The following WDR35 variants were observed in gnomAD, a reference collection of about 807,000 sequenced individuals.
The protein encoded by WDR35 is WD repeat-containing protein 35.
In WDR35, 118 loss-of-function variants were observed where a neutral mutation model predicts 158.3. That is an observed-to-expected ratio of 0.75 (90% CI 0.64 to 0.87). WDR35 has a LOEUF of 0.87. Ranked by LOEUF, WDR35 falls within the 40% of genes least tolerant of loss-of-function variation. The probability of loss-of-function intolerance (pLI) is 0.00; values close to 1 mark genes in which losing one functional copy is unlikely to be tolerated. For missense variants in WDR35, 1,263 were observed against 1,405.8 expected (o/e 0.90, Z 1.62); for synonymous variants, 448 against 476.1 (o/e 0.94, Z 0.77).
At chr2:19,938,229 C>A (rs752776689) in intron 18 of WDR35, 36 bp downstream of exon 18, 1 of 1,613,686 alleles carries the variant, frequency 6.2e-7, no homozygotes, top group African/African-American at 1.3e-5. Flanking sequence ...AAAACCTACA[C>A]CTGACATCCT....
intron 23 of WDR35, 139 bp downstream of exon 23, chr2:19,932,144 T>C: frequency 4.8e-6 from 5 of 1,049,116 alleles, no homozygotes; most frequent in Non-Finnish European, 7.0e-6. Flanking sequence ...ACTAAAATAA[T>C]GTATACAGAA....
chr2:19,987,640 G>A (rs546223328), intron 2 of WDR35, among the ~76,000 whole-genome samples: 76 of 151,826 alleles, frequency 5.0e-4, no homozygotes, highest in South Asian at 4.0e-3. Flanking sequence ...TGGCTAACAC[G>A]GTGAAACCCT....
Position 19,974,588 on chromosome 2 carries a change from T to C in WDR35, c.616A>G (p.Ser206Gly). The change falls in exon 7 of 27, where the codon AGC (serine) becomes GGC (glycine). Residue 206 changes from serine to glycine, a missense_variant. Ser to Gly is a moderately conservative substitution (Grantham distance 56, BLOSUM62 0). Transcript: ENST00000281405. The part of the protein sequence containing the change: ...SCLVNVTGAI[S>G]IAGIHWYHGT... ...TGGTACCAATGAATTCCAGCAATGC[T>C]GATAGCTCCAGTGACATTCACCAAA... 6.2e-7 allele frequency: 1 copy of C among 1,613,790 alleles called. No homozygotes were observed. The highest frequency in any genetic ancestry group is 1.1e-5 in the South Asian group (1 of 90,960).
intron 2 of WDR35, among the ~76,000 whole-genome samples, chr2:19,987,911 T>C (rs547549382): frequency 1.3e-5 from 2 of 151,010 alleles, no homozygotes; most frequent in South Asian, 4.2e-4. Context: ...TACACACGTA[T>C]ATATATATCT....
chr2:19,966,957 A>T, intron 9 of WDR35, 48 bp from the exon 10 acceptor site: 3 of 1,580,106 alleles, frequency 1.9e-6, no homozygotes, highest in Middle Eastern at 1.7e-4. Context: ...AAGGGAGAAG[A>T]ATTATTTAGT....
intron 13 of WDR35, among the ~76,000 whole-genome samples, chr2:19,949,234 G>C (rs1671156730): frequency 6.6e-6 from 1 of 152,338 alleles, no homozygotes; most frequent in African/African-American, 2.4e-5. Flanking sequence ...GAAATTTCAA[G>C]TTGTTTGCCA....
At chr2:19,938,540 C>T in intron 17 of WDR35, 139 bp from the exon 18 acceptor site, 1 of 1,169,802 alleles carries the variant, frequency 8.5e-7, no homozygotes, top group Non-Finnish European at 1.2e-6. Flanking sequence ...GAAGAGAAAT[C>T]TTCACGTTTG....
At chr2:19,954,329 T>C (rs909842882) in intron 11 of WDR35, among the ~76,000 whole-genome samples, 1 of 152,090 alleles carries the variant, frequency 6.6e-6, no homozygotes, top group Non-Finnish European at 1.5e-5. Context: ...TAAATTAGAC[T>C]TCATTAAAAT....
intron 10 of WDR35, chr2:19,962,380 C>A: frequency 6.3e-7 from 1 of 1,580,976 alleles, no homozygotes; most frequent in South Asian, 1.1e-5. Flanking sequence ...TCAGTTAACT[C>A]AAAAAAGACA....
chr2:19,956,722 G>A (rs561724100), intron 11 of WDR35, among the ~76,000 whole-genome samples: 56 of 148,778 alleles, frequency 3.8e-4, no homozygotes, highest in Middle Eastern at 6.9e-3. Context: ...CCGGGTTCAC[G>A]CCATTCTCCT....
chr2:19,931,502 A>G, intron 23 of WDR35, 93 bp from the exon 24 acceptor site: 3 of 1,398,186 alleles, frequency 2.1e-6, no homozygotes, highest in Non-Finnish European at 3.0e-6. Flanking sequence ...GATTCCCTAA[A>G]AAAGGAGGAA....
At chr2:19,943,724 A>C (rs1328025349) in intron 16 of WDR35, among the ~76,000 whole-genome samples, 1 of 152,062 alleles carries the variant, frequency 6.6e-6, no homozygotes, top group Non-Finnish European at 1.5e-5. Context: ...AAAAAGAACA[A>C]AACAGCGCAA....
chr2:19,935,248 C>T (rs953593640), intron 21 of WDR35: 1 of 390,364 alleles, frequency 2.6e-6, no homozygotes, highest in Admixed American at 4.2e-5. Flanking sequence ...AGACTGTGAT[C>T]ATATTAAAGT....
Position 19,936,311 on chromosome 2 carries a change from C to A in WDR35, c.2322G>T (p.Gln774His), listed in dbSNP as rs1670694845. The change falls in exon 20 of 27, where the codon CAG becomes CAT. Residue 774 changes from glutamine (Q) to histidine (H), a missense_variant. Coordinates refer to ENST00000281405, the MANE Select transcript of WDR35 (RefSeq NM_020779.4). Reference protein sequence around the residue: ...LKLGDWFRVLQLLKTGSGDAD... With the variant: ...LKLGDWFRVLHLLKTGSGDAD... Reference sequence around the variant, plus strand: ...CATCACCAGATCCAGTTTTCAGGAGCTGGAGTACTCTAAACCAATCCCCCA... The same window carrying A: ...CATCACCAGATCCAGTTTTCAGGAGATGGAGTACTCTAAACCAATCCCCCA... 4 of 1,614,036 alleles carry A rather than the reference C, an allele frequency of 2.5e-6. No individual in the cohort carries two copies. The South Asian group carries it at 4.4e-5, about 18-fold the overall frequency.
At chr2:19,953,722 A>G (rs997234233) in intron 12 of WDR35, 112 bp downstream of exon 12, 1 of 1,374,596 alleles carries the variant, frequency 7.3e-7, no homozygotes, top group Non-Finnish European at 1.0e-6. Context: ...TTGAAAAAAC[A>G]TTTCTACTAA....
At position 19,910,427 on chromosome 2, in the gene WDR35, G is replaced by A. The variant is rs959346587; in HGVS notation, c.*3131C>T. ...GAATTAAGCATGTCAACATTACTGT[G>A]TTGCTTGTTAGGCACACTGCTTATT... is the stretch of plus-strand genomic sequence containing the variant. On this transcript the variant is annotated 3_prime_UTR_variant, in exon 27 of 27. Coordinates refer to ENST00000281405, the MANE Select transcript of WDR35 (RefSeq NM_020779.4). 3 of 152,106 alleles carry A rather than the reference G, an allele frequency of 2.0e-5. No individual in the cohort carries two copies. The highest frequency in any genetic ancestry group is 4.4e-5 in the Non-Finnish European group (3 of 68,034). 9.4% of individuals were successfully genotyped at this position (152,106 alleles called of 1,614,324 possible).
chr2:19,919,312 C>T (rs1410729094), intron 25 of WDR35, among the ~76,000 whole-genome samples: 2 of 137,884 alleles, frequency 1.5e-5, no homozygotes, highest in African/African-American at 5.5e-5. Context: ...ACCCAGGAGG[C>T]GGAGCTTGCA....
chr2:19,954,471 A>G (rs145351122), intron 11 of WDR35, among the ~76,000 whole-genome samples: 5 of 152,378 alleles, frequency 3.3e-5, no homozygotes, highest in Admixed American at 3.3e-4. Flanking sequence ...TTACAACTCA[A>G]TAATAAAGAC....
chr2:19,919,132 G>A (rs1362441764), intron 25 of WDR35, among the ~76,000 whole-genome samples: 1 of 152,152 alleles, frequency 6.6e-6, no homozygotes. Context: ...TGTAATTCCA[G>A]CACTTTCGGA....
Sources: allele counts gnomAD v4.1 joint callset (sites outside exome capture counted in the v4.1 genomes callset), GRCh38; gene constraint gnomAD v4.1.1; transcripts MANE v1.5; gene names NCBI Gene and HGNC (gene_info 2026-07-23, HGNC 2026-07-21).